Variants in UGT1A9 observed in about 807,000 individuals in gnomAD.
UGT1A9 encodes UDP glucuronosyltransferase family 1 member A9.
A neutral mutation model predicts 45.0 loss-of-function variants in UGT1A9; 35 were observed. That is an observed-to-expected ratio of 0.78 (90% CI 0.59 to 1.03). The LOEUF (loss-of-function observed/expected upper bound fraction) is 1.03. Among genes scored for constraint, UGT1A9 ranks in the 50% least tolerant of loss-of-function variants. UGT1A9 has a pLI of 0.00. For synonymous variants in UGT1A9, 278 were observed against 250.6 expected, an observed-to-expected ratio of 1.11 and a Z score of -1.03; for missense variants, 687 against 666.6, an observed-to-expected ratio of 1.03 and a Z score of -0.34.
intron 1 of UGT1A9, among the ~76,000 whole-genome samples, chr2:233,757,296 G>A (rs1428870685): frequency 7.7e-6 from 1 of 129,554 alleles, no homozygotes; most frequent in African/African-American, 2.9e-5. Flanking sequence ...ACAGCTGGGG[G>A]TTGGGGGACA....
intron 1 of UGT1A9, among the ~76,000 whole-genome samples, chr2:233,705,897 G>A (rs557089333): frequency 4.5e-4 from 68 of 152,196 alleles, no homozygotes; most frequent in South Asian, 2.5e-3. Context: ...AGACTGCCCT[G>A]GCCAAAATAG....
intron 1 of UGT1A9, chr2:233,713,111 C>G: frequency 6.2e-7 from 1 of 1,614,252 alleles, no homozygotes; most frequent in Non-Finnish European, 8.5e-7. Context: ...ATGGCAGCCA[C>G]TGGCTCAGCA....
intron 1 of UGT1A9, chr2:233,682,365 A>G (rs2074575471): frequency 5.6e-6 from 9 of 1,614,054 alleles, no homozygotes; most frequent in South Asian, 2.2e-5. Context: ...AGTTGTTTTG[A>G]TGCAGTGTTT....
At chr2:233,690,386 C>T in intron 1 of UGT1A9, 1 of 1,067,022 alleles carries the variant, frequency 9.4e-7, no homozygotes, top group Admixed American at 2.6e-5. Context: ...TCCACGTTTC[C>T]AGACCTTCCT....
At chr2:233,724,443 C>A in intron 1 of UGT1A9, among the ~76,000 whole-genome samples, 1 of 122,836 alleles carries the variant, frequency 8.1e-6, no homozygotes, top group Non-Finnish European at 1.7e-5. Flanking sequence ...ACTTCTCAGA[C>A]AGGGCAGCTG....
chr2:233,713,265 C>A (rs770209123), intron 1 of UGT1A9: 2 of 1,614,232 alleles, frequency 1.2e-6, no homozygotes, highest in East Asian at 2.2e-5. Flanking sequence ...ATTTGATCGC[C>A]TTTTGCTGGG....
At chr2:233,742,757 A>G (rs968540830) in intron 1 of UGT1A9, 1 of 153,060 alleles carries the variant, frequency 6.5e-6, no homozygotes, top group African/African-American at 2.4e-5. Flanking sequence ...AAATATTAAG[A>G]TAATAAATGC....
intron 1 of UGT1A9, chr2:233,748,092 G>A (rs1693863465): frequency 6.2e-7 from 1 of 1,612,734 alleles, no homozygotes; most frequent in Non-Finnish European, 8.5e-7. Flanking sequence ...CGGTGTTCGT[G>A]CCTTCATCCA....
At chr2:233,697,299 A>G (rs570191835) in intron 1 of UGT1A9, among the ~76,000 whole-genome samples, 2 of 152,014 alleles carry the variant, frequency 1.3e-5, no homozygotes, top group African/African-American at 4.8e-5. Flanking sequence ...TCTTCATTCA[A>G]TCTTGGTAGA....
intron 1 of UGT1A9, among the ~76,000 whole-genome samples, chr2:233,737,934 C>T (rs1461776263): frequency 1.3e-5 from 2 of 152,038 alleles, no homozygotes; most frequent in East Asian, 3.9e-4. Flanking sequence ...AGTAGTGAGT[C>T]CATTGACTGT....
chr2:233,736,085 G>C (rs1296774053), intron 1 of UGT1A9, among the ~76,000 whole-genome samples: 1 of 152,146 alleles, frequency 6.6e-6, no homozygotes, highest in African/African-American at 2.4e-5. Flanking sequence ...AGTTCTCCTG[G>C]ATAATATCCT....
chr2:233,681,166 C>T (rs886138503), intron 1 of UGT1A9, among the ~76,000 whole-genome samples: 1 of 151,848 alleles, frequency 6.6e-6, no homozygotes, highest in Non-Finnish European at 1.5e-5. Context: ...GAGGTCAACG[C>T]TAAGACCCTT....
intron 1 of UGT1A9, chr2:233,755,083 C>G: frequency 1.5e-6 from 2 of 1,335,264 alleles, no homozygotes; most frequent in Non-Finnish European, 2.0e-6. Context: ...TCATAGATAT[C>G]GCGTTTCTAC....
chr2:233,758,136 T>C (rs1239060049), intron 1 of UGT1A9, among the ~76,000 whole-genome samples: 2 of 152,212 alleles, frequency 1.3e-5, no homozygotes, highest in Non-Finnish European at 2.9e-5. Context: ...ATTTGGCAGA[T>C]GAGGGAATTA....
chr2:233,738,565 G>A (rs1000487270), intron 1 of UGT1A9, among the ~76,000 whole-genome samples: 1 of 152,204 alleles, frequency 6.6e-6, no homozygotes, highest in African/African-American at 2.4e-5. Context: ...TGAGGAATCT[G>A]TTGAGAACTG....
At chr2:233,726,222 A>G (rs532622558) in intron 1 of UGT1A9, among the ~76,000 whole-genome samples, 1 of 152,320 alleles carries the variant, frequency 6.6e-6, no homozygotes, top group East Asian at 1.9e-4. Flanking sequence ...TTTAGAAAAC[A>G]TTTTTTAAAA....
At chr2:233,718,795 G>T (rs1190381622) in intron 1 of UGT1A9, 2 of 1,613,210 alleles carry the variant, frequency 1.2e-6, no homozygotes, top group South Asian at 2.2e-5. Flanking sequence ...GGGGTGGACA[G>T]TCAGCTGTCG....
At position 233,713,263 on chromosome 2, in the gene UGT1A9, G is replaced by A. The variant is rs146477190; in HGVS notation, c.855+40474G>A. On this transcript the variant is annotated intron_variant, in intron 1 of 4. Transcript: ENST00000354728. ...TCATGGACCCAGGACGAATTTGATC[G>A]CCTTTTGCTGGGTCACACTCAATCG... 2.3e-4 allele frequency: 375 copies of A among 1,614,196 alleles called. 3 individuals are homozygous for A. The highest frequency in any genetic ancestry group is 2.3e-3 in the Middle Eastern group (14 of 6,062).
intron 1 of UGT1A9, among the ~76,000 whole-genome samples, chr2:233,744,367 A>T (rs2125862571): frequency 6.6e-6 from 1 of 151,892 alleles, no homozygotes; most frequent in Non-Finnish European, 1.5e-5. Flanking sequence ...GTTGTTTAGG[A>T]CTGCAGTTCT....
Sources: allele counts gnomAD v4.1 joint callset (sites outside exome capture counted in the v4.1 genomes callset), GRCh38; gene constraint gnomAD v4.1.1; transcripts MANE v1.5; gene names NCBI Gene and HGNC (gene_info 2026-07-23, HGNC 2026-07-21).